Variants in MSR1 observed in about 807,000 individuals in gnomAD.
MSR1 encodes macrophage scavenger receptor types I and II.
In MSR1, 53 loss-of-function variants were observed where a neutral mutation model predicts 47.2. The observed-to-expected ratio is 1.12, with a 90% confidence interval of 0.90 to 1.41. The LOEUF (loss-of-function observed/expected upper bound fraction) is 1.41. Ranked by LOEUF, MSR1 falls within the 40% of genes most tolerant of loss-of-function variation. The pLI is 0.00. For synonymous variants in MSR1, 239 were observed against 185.6 expected, an observed-to-expected ratio of 1.29 and a Z score of -2.34; for missense variants, 786 against 546.9, an observed-to-expected ratio of 1.44 and a Z score of -4.36.
chr8:16,121,569 A>G (rs959322308), intron 8 of MSR1, among the ~76,000 whole-genome samples: 4 of 151,972 alleles, frequency 2.6e-5, no homozygotes, highest in Admixed American at 6.6e-5. Flanking sequence ...ATTTGTTTAG[A>G]AAATTATTTG....
At chr8:16,172,243 G>A (rs1801506698) in intron 3 of MSR1, among the ~76,000 whole-genome samples, 2 of 152,222 alleles carry the variant, frequency 1.3e-5, no homozygotes, top group South Asian at 4.1e-4. Context: ...TCACAATATG[G>A]AAAGAGAAGC....
At chr8:16,114,329 G>A (rs1799828437) in intron 9 of MSR1, among the ~76,000 whole-genome samples, 2 of 151,918 alleles carry the variant, frequency 1.3e-5, no homozygotes, top group Admixed American at 1.3e-4. Context: ...CTTTTAAATG[G>A]CATTTATGTT....
intron 8 of MSR1, among the ~76,000 whole-genome samples, chr8:16,123,607 T>TC (rs1800060846): frequency 6.7e-6 from 1 of 149,920 alleles, no homozygotes; most frequent in Non-Finnish European, 1.5e-5. Flanking sequence ...TGTGTGTGTC[T>TC]GGATAGCTGT....
intron 4 of MSR1, among the ~76,000 whole-genome samples, chr8:16,166,903 C>G (rs900745225): frequency 4.7e-5 from 7 of 150,316 alleles, no homozygotes; most frequent in African/African-American, 1.7e-4. Flanking sequence ...TGGGGATGAG[C>G]GTCCCAATGT....
intron 1 of MSR1, among the ~76,000 whole-genome samples, chr8:16,184,219 T>C (rs986115787): frequency 1.3e-5 from 2 of 152,046 alleles, no homozygotes; most frequent in Non-Finnish European, 2.9e-5. Flanking sequence ...TTTATTATTA[T>C]ACTTTCTTTT....
intron 1 of MSR1, among the ~76,000 whole-genome samples, chr8:16,183,978 T>G (rs976396130): frequency 6.7e-6 from 1 of 149,370 alleles, no homozygotes; most frequent in South Asian, 2.1e-4. Flanking sequence ...AAGGTAGGAA[T>G]ACAGAAAAGA....
chr8:16,116,442 C>G (rs542310838), intron 9 of MSR1, among the ~76,000 whole-genome samples: 8 of 152,168 alleles, frequency 5.3e-5, no homozygotes, highest in Non-Finnish European at 1.0e-4. Context: ...AACTCTGGGA[C>G]AATGTATAGA....
chr8:16,152,612 T>C (rs1226792460), intron 6 of MSR1, among the ~76,000 whole-genome samples: 1 of 152,048 alleles, frequency 6.6e-6, no homozygotes, highest in Non-Finnish European at 1.5e-5. Flanking sequence ...TGCCTACAGG[T>C]CAAACTACCT....
At chr8:16,179,547 A>G (rs1203567667) in intron 1 of MSR1, among the ~76,000 whole-genome samples, 1 of 152,170 alleles carries the variant, frequency 6.6e-6, no homozygotes, top group Non-Finnish European at 1.5e-5. Context: ...ATAGTTTTGC[A>G]TATTTGGACT....
At chr8:16,184,125 A>G (rs75674983) in intron 1 of MSR1, among the ~76,000 whole-genome samples, 2 of 151,666 alleles carry the variant, frequency 1.3e-5, no homozygotes, top group Non-Finnish European at 2.9e-5. Flanking sequence ...TAAAGACAAC[A>G]TTTATTTTTC....
rs142784021 is a variant in MSR1 at position 16,182,113 on chromosome 8, C to T, written c.-4-4121G>A. Among the ~76,000 whole-genome samples, 388 of 152,244 alleles carry T rather than the reference C, an allele frequency of 2.5e-3. 1 individual carries two copies. The highest frequency in any genetic ancestry group is 9.0e-3 in the African/African-American group (372 of 41,534). On this transcript the variant is annotated intron_variant, in intron 1 of 9. Transcript: ENST00000262101. ...AGCCTATTGCTCCTAGGATTCACAC[C>T]TATATAGCATGTTATACTGTGCTGA...
At chr8:16,125,106 A>G (rs1800099838) in intron 8 of MSR1, among the ~76,000 whole-genome samples, 1 of 152,170 alleles carries the variant, frequency 6.6e-6, no homozygotes, top group African/African-American at 2.4e-5. Context: ...GGCTCTGATC[A>G]GAGAAGCCTG....
intron 9 of MSR1, among the ~76,000 whole-genome samples, chr8:16,119,809 C>T (rs1020394979): frequency 6.6e-6 from 1 of 151,022 alleles, no homozygotes; most frequent in Admixed American, 6.6e-5. Flanking sequence ...TGAGCCCAAG[C>T]GACCCTCCCA....
At chr8:16,152,229 G>C (rs1800880548) in intron 6 of MSR1, among the ~76,000 whole-genome samples, 2 of 151,976 alleles carry the variant, frequency 1.3e-5, no homozygotes, top group South Asian at 4.1e-4. Context: ...GTTACTTCCA[G>C]AAAAAACCCA....
Position 16,168,729 on chromosome 8 carries a change from T to C in MSR1, c.359A>G (p.Asn120Ser). The change falls in exon 4 of 10, where the codon AAC becomes AGC. Residue 120 changes from asparagine (N) to serine (S), a missense_variant. Coordinates refer to ENST00000262101, the MANE Select transcript of MSR1 (RefSeq NM_138715.3). ...AATATGCTGGATTCTCTTCTCCATG[T>C]TGCTCATGTGTTCCATAAAGACTTC... ...FQEVFMEHMS[N>S]MEKRIQHILD... 3.1e-6 allele frequency: 5 copies of C among 1,614,164 alleles called. No homozygotes were observed. The highest frequency in any genetic ancestry group is 4.2e-6 in the Non-Finnish European group (5 of 1,180,004).
intron 5 of MSR1, among the ~76,000 whole-genome samples, chr8:16,163,809 GT>G (rs968713694): frequency 4.2e-4 from 64 of 151,900 alleles, no homozygotes; most frequent in African/African-American, 1.5e-3. Context: ...TTATGAGGTA[GT>G]TTTTAACAAT....
rs1554466932 is a variant in MSR1 at position 16,143,629 on chromosome 8, A to T, written c.980-18T>A. 3 of 1,608,082 alleles carry T rather than the reference A, an allele frequency of 1.9e-6. No homozygotes were observed. The highest frequency in any genetic ancestry group is 2.6e-6 in the Non-Finnish European group (3 of 1,176,014). On this transcript the variant is annotated intron_variant, in intron 7 of 9. Transcript: ENST00000262101. ...AGAATTTCCTTGAGAAAAGAAGAAA[A>T]ATATTTGTTTTTAATCAGGGCAATT...
At chr8:16,154,132 A>G (rs1800936069) in intron 6 of MSR1, among the ~76,000 whole-genome samples, 1 of 151,986 alleles carries the variant, frequency 6.6e-6, no homozygotes, top group African/African-American at 2.4e-5. Context: ...ATTTTCAAAA[A>G]TTTTTCTGAT....
At chr8:16,183,348 G>C (rs614794) in intron 1 of MSR1, among the ~76,000 whole-genome samples, 33,241 of 151,540 alleles carry the variant, frequency 0.22, 4,766 homozygotes, top group East Asian at 0.53. Flanking sequence ...CTCTGAACGA[G>C]TAGGGACCAT....
Sources: allele counts gnomAD v4.1 joint callset (sites outside exome capture counted in the v4.1 genomes callset), GRCh38; gene constraint gnomAD v4.1.1; transcripts MANE v1.5; gene names NCBI Gene and HGNC (gene_info 2026-07-23, HGNC 2026-07-21).